The following LINGO2 variants were observed in gnomAD, a reference collection of about 807,000 sequenced individuals.
The protein encoded by LINGO2 is leucine rich repeat and Ig domain containing 2.
A neutral mutation model predicts 30.6 loss-of-function variants in LINGO2; 14 were observed. The observed-to-expected ratio is 0.46, with a 90% confidence interval of 0.30 to 0.72. LINGO2 has a LOEUF of 0.72. LINGO2 is among the 30% of genes least tolerant of loss of function. The pLI is 0.07. For missense variants in LINGO2, 729 were observed against 751.7 expected (o/e 0.97, Z 0.35); for synonymous variants, 317 against 288.5 (o/e 1.10, Z -1.00).
the LINGO2 span, among the ~76,000 whole-genome samples, chr9:28,721,667 G>A: frequency 6.6e-6 from 1 of 152,016 alleles, no homozygotes; most frequent in African/African-American, 2.4e-5. Context: ...TGGGGGATGG[G>A]GAGAATGGAG....
intron 3 of LINGO2, among the ~76,000 whole-genome samples, chr9:28,341,673 C>T (rs183169156): frequency 6.6e-6 from 1 of 152,050 alleles, no homozygotes; most frequent in East Asian, 1.9e-4. Context: ...ATTACAAAAC[C>T]CTTTTTCAAA....
intron 4 of LINGO2, among the ~76,000 whole-genome samples, chr9:28,289,095 G>A (rs1823624663): frequency 6.6e-6 from 1 of 151,976 alleles, no homozygotes; most frequent in Non-Finnish European, 1.5e-5. Flanking sequence ...TTATAGTTTT[G>A]TTATAAACTT....
chr9:28,070,372 A>C (rs754016527), intron 4 of LINGO2, among the ~76,000 whole-genome samples: 1 of 152,054 alleles, frequency 6.6e-6, no homozygotes. Flanking sequence ...CTGACTTTAA[A>C]ACTTACACAT....
At chr9:28,217,372 A>C (rs78649117) in intron 4 of LINGO2, among the ~76,000 whole-genome samples, 7,225 of 151,810 alleles carry the variant, frequency 0.048, 242 homozygotes, top group Admixed American at 0.095. Context: ...TTTCTAAAGA[A>C]TTTTTCAAGT....
intron 3 of LINGO2, among the ~76,000 whole-genome samples, chr9:28,348,923 C>T (rs1819721261): frequency 1.3e-5 from 2 of 151,410 alleles, no homozygotes; most frequent in African/African-American, 4.9e-5. Context: ...TTCCAACAGA[C>T]CTGCAGCTGA....
intron 4 of LINGO2, among the ~76,000 whole-genome samples, chr9:28,119,828 G>A (rs959608824): frequency 6.6e-6 from 1 of 152,004 alleles, no homozygotes; most frequent in African/African-American, 2.4e-5. Context: ...TAGAACTATA[G>A]GTAAATGCAC....
chr9:28,060,226 G>C (rs541346759), intron 4 of LINGO2, among the ~76,000 whole-genome samples: 1 of 152,194 alleles, frequency 6.6e-6, no homozygotes, highest in East Asian at 1.9e-4. Flanking sequence ...CTGGGAATTA[G>C]AGGCAAACAG....
the LINGO2 span, among the ~76,000 whole-genome samples, chr9:28,972,769 G>A: frequency 3.7e-3 from 565 of 152,186 alleles, 3 homozygotes; most frequent in African/African-American, 0.013. Flanking sequence ...GCAAAGGCAC[G>A]TCTTACATGG....
chr9:28,686,380 T>C, the LINGO2 span, among the ~76,000 whole-genome samples: 34 of 152,220 alleles, frequency 2.2e-4, no homozygotes, highest in African/African-American at 7.7e-4. Flanking sequence ...AAAGTTACTA[T>C]AGTGCAAAAG....
At chr9:28,932,978 C>T in the LINGO2 span, among the ~76,000 whole-genome samples, 5 of 152,000 alleles carry the variant, frequency 3.3e-5, no homozygotes, top group Non-Finnish European at 7.4e-5. Context: ...GTGATTTCCA[C>T]TCACTGCAAA....
At chr9:29,097,958 T>C in the LINGO2 span, among the ~76,000 whole-genome samples, 26 of 89,546 alleles carry the variant, frequency 2.9e-4, 5 homozygotes, top group African/African-American at 1.0e-3. Context: ...GGTGTGTTCA[T>C]GACAATGTGC....
the LINGO2 span, among the ~76,000 whole-genome samples, chr9:29,211,185 T>C: frequency 6.6e-6 from 1 of 152,186 alleles, no homozygotes; most frequent in African/African-American, 2.4e-5. Flanking sequence ...AATGACCACA[T>C]ATGGTATGCA....
At chr9:28,176,386 CTTTGTCTATACATCTA>C (rs1828751570) in intron 4 of LINGO2, among the ~76,000 whole-genome samples, 1 of 152,168 alleles carries the variant, frequency 6.6e-6, no homozygotes, top group Non-Finnish European at 1.5e-5. Flanking sequence ...CACCATGGTA[CTTTGTCTATACATCTA>C]TAGTAGCAGT....
intron 4 of LINGO2, among the ~76,000 whole-genome samples, chr9:28,126,032 G>T (rs919862868): frequency 6.6e-6 from 1 of 151,976 alleles, no homozygotes; most frequent in African/African-American, 2.4e-5. Flanking sequence ...TAAATAAAGG[G>T]CCTTAAATAC....
the LINGO2 span, among the ~76,000 whole-genome samples, chr9:29,014,123 T>G: frequency 6.6e-6 from 1 of 152,182 alleles, no homozygotes; most frequent in Non-Finnish European, 1.5e-5. Context: ...ATGCAGCATA[T>G]ATGTTATAGA....
intron 4 of LINGO2, among the ~76,000 whole-genome samples, chr9:28,182,929 C>T (rs530339333): frequency 6.6e-5 from 10 of 152,214 alleles, no homozygotes; most frequent in Middle Eastern, 6.8e-3. Flanking sequence ...ATCAGAAATA[C>T]CATTTGACTC....
At chr9:28,807,322 C>T in the LINGO2 span, among the ~76,000 whole-genome samples, 1 of 152,094 alleles carries the variant, frequency 6.6e-6, no homozygotes, top group Non-Finnish European at 1.5e-5. Context: ...CCATGCCCGG[C>T]CGTGAAAATC....
chr9:28,342,844 G>A (rs1490584409), intron 3 of LINGO2, among the ~76,000 whole-genome samples: 2 of 152,036 alleles, frequency 1.3e-5, no homozygotes, highest in Non-Finnish European at 2.9e-5. Context: ...TGTTAAGTGA[G>A]CATTTTCTCC....
chr9:28,942,622 T>A, the LINGO2 span, among the ~76,000 whole-genome samples: 1 of 152,356 alleles, frequency 6.6e-6, no homozygotes, highest in South Asian at 2.1e-4. Context: ...AAACATTTTC[T>A]AATCTTTGCC....
Sources: gnomAD v4.1 joint callset for allele counts (sites outside exome capture counted in the v4.1 genomes callset) on GRCh38, gnomAD v4.1.1 for gene constraint, MANE v1.5 for transcripts, NCBI Gene and HGNC (gene_info 2026-07-23, HGNC 2026-07-21) for gene names.